Variants in MMP26 observed in about 807,000 individuals in gnomAD.
MMP26 encodes the protein matrix metalloproteinase-26.
In MMP26, 33 loss-of-function variants were observed where a neutral mutation model predicts 31.0. The ratio of observed to expected loss-of-function variants is 1.06; its 90% CI spans 0.81 to 1.42. The LOEUF is 1.42. Among genes scored for constraint, MMP26 ranks in the 40% most tolerant of loss-of-function variants. The probability of loss-of-function intolerance (pLI) is 0.00; values close to 1 mark genes in which losing one functional copy is unlikely to be tolerated. For synonymous variants in MMP26, 122 were observed against 114.9 expected, an observed-to-expected ratio of 1.06 and a Z score of -0.40; for missense variants, 347 against 316.1, an observed-to-expected ratio of 1.10 and a Z score of -0.74.
At chr11:4,933,455 C>T (rs840717) in intron 2 of MMP26, among the ~76,000 whole-genome samples, 108,742 of 151,474 alleles carry the variant, frequency 0.72, 39,285 homozygotes, top group East Asian at 0.89. Context: ...GCAATTTACA[C>T]GGTATGTAAA....
chr11:4,936,863 T>C (rs1846120606), intron 2 of MMP26, among the ~76,000 whole-genome samples: 1 of 152,164 alleles, frequency 6.6e-6, no homozygotes. Flanking sequence ...GCAGTTTGAA[T>C]TTACATCCAT....
Position 4,710,743 on chromosome 11 carries a change from T to C in MMP26, c.-217+5698T>C, listed in dbSNP as rs528290455. 2.8e-4 allele frequency: 67 copies of C among 238,284 alleles called. No individual in the cohort carries two copies. The South Asian group carries it at 4.0e-3, about 14-fold the overall frequency. The allele number at this position is 238,284 out of a possible 1,614,324, so 14.8% of individuals were successfully genotyped here. A position where few individuals can be genotyped will look rare whatever the true frequency, so the allele number is the denominator to read the frequency against. ...CATGAATACTGAACCTAGCACAGTATAGGACCACAGTTAAAATATGTCTGA... is the reference window on the plus strand; with the variant it reads ...CATGAATACTGAACCTAGCACAGTACAGGACCACAGTTAAAATATGTCTGA... On this transcript the variant is annotated intron_variant, in intron 1 of 7. Coordinates refer to ENST00000380390, the MANE Select transcript of MMP26 (RefSeq NM_021801.5).
At chr11:4,955,551 GCT>G (rs1335445435) in intron 2 of MMP26, 1 of 1,353,048 alleles carries the variant, frequency 7.4e-7, no homozygotes, top group Non-Finnish European at 1.0e-6. Flanking sequence ...TGCAAGGAGG[GCT>G]CTGTCTTGAT....
chr11:4,802,737 G>T (rs566986448), intron 2 of MMP26, among the ~76,000 whole-genome samples: 46 of 152,254 alleles, frequency 3.0e-4, no homozygotes, highest in African/African-American at 9.9e-4. Context: ...TATATTTCCT[G>T]AATTCCTTTC....
At chr11:4,942,262 A>T (rs1055541813) in intron 2 of MMP26, among the ~76,000 whole-genome samples, 3 of 151,802 alleles carry the variant, frequency 2.0e-5, no homozygotes, top group African/African-American at 7.3e-5. Context: ...TTTCTTTTTC[A>T]ATTATACTAC....
chr11:4,724,020 A>C, intron 1 of MMP26: 1 of 685,940 alleles, frequency 1.5e-6, no homozygotes, highest in Non-Finnish European at 2.6e-6. Flanking sequence ...CATAACCTCC[A>C]CCCAGGCTAC....
At chr11:4,802,671 A>G (rs532216774) in intron 2 of MMP26, among the ~76,000 whole-genome samples, 50 of 152,348 alleles carry the variant, frequency 3.3e-4, no homozygotes, top group Middle Eastern at 3.4e-3. Flanking sequence ...GTATAAAAAT[A>G]TAATGAAAAT....
chr11:4,708,346 G>C (rs1847809782), intron 1 of MMP26, among the ~76,000 whole-genome samples: 1 of 152,132 alleles, frequency 6.6e-6, no homozygotes, highest in African/African-American at 2.4e-5. Flanking sequence ...CAAATACCTA[G>C]AGAAATGCCC....
In MMP26 at chr11:4,934,715, C is replaced by T. The variant is rs995594794; in HGVS notation, c.-144-53353C>T. Among the ~76,000 whole-genome samples the T allele has an allele frequency of 1.3e-4, 19 of 147,846 alleles. 1 individual carries two copies. Among genetic ancestry groups the T allele is most frequent in the Admixed American group, 6.8e-4 (10 of 14,736 alleles). On this transcript the variant is annotated intron_variant, in intron 2 of 7. Coordinates refer to ENST00000380390, the MANE Select transcript of MMP26 (RefSeq NM_021801.5). ...AGGGTTTTTATGGTTTTAGGTCTAA[C>T]GTTTAAATCTTTAATCCATCTTGAA...
intron 2 of MMP26, among the ~76,000 whole-genome samples, chr11:4,959,878 T>C (rs1349322736): frequency 2.6e-5 from 4 of 152,192 alleles, no homozygotes; most frequent in Admixed American, 1.3e-4. Flanking sequence ...TGTGTGAGTG[T>C]GTATGTGTAT....
At chr11:4,914,752 G>T (rs756224401) in intron 2 of MMP26, 10 of 1,613,342 alleles carry the variant, frequency 6.2e-6, no homozygotes, top group Non-Finnish European at 8.5e-6. Context: ...CTCGATCCCG[G>T]ATCTGTTTGG....
intron 1 of MMP26, chr11:4,752,407 C>T (rs1848457201): frequency 6.6e-6 from 1 of 152,302 alleles, no homozygotes; most frequent in Admixed American, 6.6e-5. Context: ...ATCTTTGTGT[C>T]TGAACATGAG....
chr11:4,924,319 G>T (rs1851237374), intron 2 of MMP26: 2 of 1,608,666 alleles, frequency 1.2e-6, no homozygotes, highest in African/African-American at 2.7e-5. Flanking sequence ...TTTGGAGGCT[G>T]CTATTAAGAA....
chr11:4,862,369 A>C (rs1244817363), intron 2 of MMP26, among the ~76,000 whole-genome samples: 1 of 152,158 alleles, frequency 6.6e-6, no homozygotes, highest in Non-Finnish European at 1.5e-5. Flanking sequence ...ATTTTTCCCT[A>C]TTAGTGCAAT....
chr11:4,928,859 C>T (rs1026177936), intron 2 of MMP26, among the ~76,000 whole-genome samples: 9 of 152,032 alleles, frequency 5.9e-5, no homozygotes, highest in Non-Finnish European at 1.3e-4. Flanking sequence ...TGACCATTTG[C>T]AGTGGAATAT....
At chr11:4,902,085 C>T (rs149525960) in intron 2 of MMP26, among the ~76,000 whole-genome samples, 1 of 152,274 alleles carries the variant, frequency 6.6e-6, no homozygotes, top group East Asian at 1.9e-4. Context: ...TGACCCTTTT[C>T]GTTACACACA....
At chr11:4,713,299 A>T (rs1338154055) in intron 1 of MMP26, among the ~76,000 whole-genome samples, 1 of 152,068 alleles carries the variant, frequency 6.6e-6, no homozygotes, top group African/African-American at 2.4e-5. Flanking sequence ...AGGATGCATA[A>T]AAGATCTTCA....
At chr11:4,730,404 A>AAGAGACAGAGAGAGAGAGAGAGAGAG (rs141091963) in intron 1 of MMP26, among the ~76,000 whole-genome samples, 215 of 145,040 alleles carry the variant, frequency 1.5e-3, no homozygotes, top group African/African-American at 5.5e-3. Flanking sequence ...GTTTCTGGGA[A>AAGAGACAGAGAGAGAGAGAGAGAGAG]AGAGAGAGAG....
At chr11:4,709,214 C>G (rs931515287) in intron 1 of MMP26, among the ~76,000 whole-genome samples, 1 of 152,074 alleles carries the variant, frequency 6.6e-6, no homozygotes, top group East Asian at 1.9e-4. Flanking sequence ...CCGGAAATAT[C>G]CCATCTGCCC....
Sources: allele counts gnomAD v4.1 joint callset (sites outside exome capture counted in the v4.1 genomes callset), GRCh38; gene constraint gnomAD v4.1.1; transcripts MANE v1.5; gene names NCBI Gene and HGNC (gene_info 2026-07-23, HGNC 2026-07-21).